Variants in NT5E observed in about 807,000 individuals in gnomAD.
The protein encoded by NT5E is 5'-nucleotidase.
In NT5E, 53 loss-of-function variants were observed where a neutral mutation model predicts 55.1. The ratio of observed to expected loss-of-function variants is 0.96; its 90% CI spans 0.77 to 1.21. The LOEUF is 1.21. NT5E is among the 50% of genes most tolerant of loss of function. The pLI is 0.00. For synonymous variants in NT5E, 270 were observed against 278.4 expected (o/e 0.97, Z 0.30); for missense variants, 683 against 724.3 (o/e 0.94, Z 0.65).
At position 85,495,514 on chromosome 6, in the gene NT5E, T is replaced by C. The variant is rs557144413; in HGVS notation, c.*1510T>C. 4.6e-5 allele frequency: 7 copies of C among 152,342 alleles called. No individual in the cohort carries two copies. The East Asian group carries it at 1.3e-3, about 29-fold the overall frequency. 9.4% of individuals were successfully genotyped at this position (152,342 alleles called of 1,614,324 possible). A position where few individuals can be genotyped will look rare whatever the true frequency, so the allele number is the denominator to read the frequency against. On this transcript the variant is annotated 3_prime_UTR_variant, in exon 9 of 9. Transcript: ENST00000257770. ...AACTTCATAACCTTTTTATAAAAGT[T>C]GTTGCAGCAAAATAATAGCCTCGGT...
rs368729244 is a variant in NT5E at position 85,450,247 on chromosome 6, C to T, written c.108C>T (p.Asp36=). ...AGCTTACGATTTTGCACACCAACGA[C>T]GTGCACAGCCGGCTGGAGCAGACCA... The part of the protein sequence containing the change: ...AWELTILHTN[D]VHSRLEQTSE... Residue 36 remains aspartate (D), a synonymous_variant, in exon 1 of 9, where the codon GAC becomes GAT. Transcript: ENST00000257770. The surrounding 1 kb of genome is among the most constrained non-coding windows in gnomAD (Gnocchi z 4.0). 1.2e-6 allele frequency: 2 copies of T among 1,609,756 alleles called. No individual in the cohort carries two copies. The highest frequency in any genetic ancestry group is 1.7e-6 in the Non-Finnish European group (2 of 1,179,018).
Position 85,489,526 on chromosome 6 carries a change from G to A in NT5E, c.1137G>A (p.Met379Ile), listed in dbSNP as rs750470312. ...ACAACCTGAGACACACGGATGAAATGTTCTGGAACCACGTATCCATGTGCA... is the reference window on the plus strand; with the variant it reads ...ACAACCTGAGACACACGGATGAAATATTCTGGAACCACGTATCCATGTGCA... Reference protein sequence around the residue: ...INNNLRHTDEMFWNHVSMCIL... With the variant: ...INNNLRHTDEIFWNHVSMCIL... Residue 379 changes from methionine to isoleucine, a missense_variant, in exon 6 of 9, where the codon ATG (methionine) becomes ATA (isoleucine). Physicochemically the swap from Met to Ile is conservative, Grantham distance 10. Transcript: ENST00000257770. 3.1e-6 allele frequency: 5 copies of A among 1,613,934 alleles called. No homozygotes were observed. The East Asian group carries it at 8.9e-5, about 29-fold the overall frequency.
At chr6:85,466,093 G>A (rs1296751700) in intron 1 of NT5E, among the ~76,000 whole-genome samples, 1 of 152,186 alleles carries the variant, frequency 6.6e-6, no homozygotes, top group African/African-American at 2.4e-5. Context: ...AATGGAGGAA[G>A]GAGAGGAAGG....
intron 3 of NT5E, chr6:85,471,697 A>G (rs1769311973): frequency 6.1e-6 from 1 of 165,000 alleles, no homozygotes; most frequent in Non-Finnish European, 1.3e-5. Context: ...TAAAACATAT[A>G]TATACCATAC....
At chr6:85,473,412 T>C (rs1769358234) in intron 3 of NT5E, among the ~76,000 whole-genome samples, 1 of 152,202 alleles carries the variant, frequency 6.6e-6, no homozygotes, top group South Asian at 2.1e-4. Flanking sequence ...GCTCACTGGA[T>C]AAGACCTGTG....
chr6:85,475,424 C>A (rs566772677), intron 3 of NT5E, among the ~76,000 whole-genome samples: 10 of 152,266 alleles, frequency 6.6e-5, no homozygotes, highest in Non-Finnish European at 1.2e-4. Context: ...TTCCAAGTAC[C>A]ATGCATATGC....
At chr6:85,460,765 A>T (rs927957094) in intron 1 of NT5E, among the ~76,000 whole-genome samples, 5 of 152,182 alleles carry the variant, frequency 3.3e-5, no homozygotes, top group Non-Finnish European at 7.4e-5. Flanking sequence ...AATCATGAGA[A>T]CACTCCTGGG....
At chr6:85,466,806 G>A (rs1456636732) in intron 1 of NT5E, among the ~76,000 whole-genome samples, 2 of 152,118 alleles carry the variant, frequency 1.3e-5, no homozygotes, top group African/African-American at 4.8e-5. Flanking sequence ...TGAGATGGTG[G>A]GACAGTGGAC....
At chr6:85,486,339 T>C (rs1769662104) in intron 4 of NT5E, among the ~76,000 whole-genome samples, 1 of 152,114 alleles carries the variant, frequency 6.6e-6, no homozygotes, top group South Asian at 2.1e-4. Flanking sequence ...CAAAAACTGG[T>C]TACAAATAAT....
intron 1 of NT5E, among the ~76,000 whole-genome samples, chr6:85,460,810 G>A (rs1769086301): frequency 6.6e-6 from 1 of 152,194 alleles, no homozygotes; most frequent in East Asian, 1.9e-4. Flanking sequence ...CGTGGTGTGA[G>A]AGCAGGTCAG....
intron 1 of NT5E, among the ~76,000 whole-genome samples, chr6:85,451,565 G>A (rs1416687566): frequency 2.6e-5 from 4 of 152,118 alleles, no homozygotes; most frequent in Non-Finnish European, 5.9e-5. Flanking sequence ...TTGAGTAAAG[G>A]GATTCAGCAA....
chr6:85,450,479 G>T lies in NT5E; in HGVS notation c.339+1G>T. On this transcript the variant is annotated splice_donor_variant, in intron 1 of 8. Coordinates refer to ENST00000257770, the MANE Select transcript of NT5E (RefSeq NM_002526.4). LOFTEE classifies it high-confidence loss of function. The surrounding 1 kb of genome is among the most constrained non-coding windows in gnomAD (Gnocchi z 4.0). ...GAACGCCCTGCGCTACGATGCCATGGTAAGACCCGAGCCCGCGCCCGGGAT... is the reference window on the plus strand; with the variant it reads ...GAACGCCCTGCGCTACGATGCCATGTTAAGACCCGAGCCCGCGCCCGGGAT... 6.3e-7 allele frequency: 1 copy of T among 1,588,030 alleles called. No homozygotes were observed. Among genetic ancestry groups the T allele is most frequent in the East Asian group, 2.3e-5 (1 of 43,980 alleles).
chr6:85,465,466 A>C (rs539430097), intron 1 of NT5E, among the ~76,000 whole-genome samples: 1 of 152,348 alleles, frequency 6.6e-6, no homozygotes, highest in East Asian at 1.9e-4. Flanking sequence ...GAAGGAAAAA[A>C]TAACAATTAC....
chr6:85,489,678 C>A, intron 6 of NT5E, 79 bp downstream of exon 6: 1 of 1,012,960 alleles, frequency 9.9e-7, no homozygotes, highest in Non-Finnish European at 1.5e-6. Flanking sequence ...TTGCCCTGAA[C>A]ACACCCATGT....
chr6:85,465,877 G>T (rs1769182958), intron 1 of NT5E, among the ~76,000 whole-genome samples: 1 of 152,232 alleles, frequency 6.6e-6, no homozygotes, highest in Admixed American at 6.5e-5. Flanking sequence ...GGCTGTAAGA[G>T]AGTGCACAGG....
intron 1 of NT5E, among the ~76,000 whole-genome samples, chr6:85,466,130 A>G (rs970834956): frequency 1.3e-5 from 2 of 152,120 alleles, no homozygotes; most frequent in Non-Finnish European, 2.9e-5. Context: ...CTGACATGTC[A>G]TGCTTTGTCA....
intron 3 of NT5E, among the ~76,000 whole-genome samples, chr6:85,483,228 C>A (rs1769584057): frequency 6.6e-6 from 1 of 152,252 alleles, no homozygotes; most frequent in African/African-American, 2.4e-5. Context: ...CTCCTGATAT[C>A]TGCAACTAGT....
At chr6:85,485,637 T>C (rs998044240) in intron 4 of NT5E, among the ~76,000 whole-genome samples, 1 of 152,234 alleles carries the variant, frequency 6.6e-6, no homozygotes, top group African/African-American at 2.4e-5. Context: ...CTTCAAGTCT[T>C]CTCAGCATCA....
intron 7 of NT5E, chr6:85,491,076 T>A (rs754408406): frequency 1.9e-6 from 1 of 530,902 alleles, no homozygotes; most frequent in Non-Finnish European, 3.9e-6. Flanking sequence ...CCAGGATGAT[T>A]CCTGGAAGGA....
Sources: allele counts gnomAD v4.1 joint callset (sites outside exome capture counted in the v4.1 genomes callset), GRCh38; gene constraint gnomAD v4.1.1; non-coding constraint Gnocchi (gnomAD v3.1); transcripts MANE v1.5; gene names NCBI Gene and HGNC (gene_info 2026-07-23, HGNC 2026-07-21).